CTNNA3: variants seen among roughly 807,000 people sequenced by gnomAD.
CTNNA3 encodes the protein catenin alpha 3.
In CTNNA3, 76 loss-of-function variants were observed where a neutral mutation model predicts 95.7. The observed-to-expected ratio is 0.79, with a 90% CI of 0.66 to 0.96. The LOEUF is 0.96. CTNNA3 is among the 40% of genes least tolerant of loss of function. The pLI is 0.00. For synonymous variants in CTNNA3, 431 were observed against 374.4 expected (o/e 1.15, Z -1.74); for missense variants, 1,191 against 1,089.8 (o/e 1.09, Z -1.31).
intron 11 of CTNNA3, among the ~76,000 whole-genome samples, chr10:66,427,975 A>C (rs567643088): frequency 3.3e-5 from 5 of 152,286 alleles, no homozygotes; most frequent in African/African-American, 1.2e-4. Flanking sequence ...ATAAAGAGTC[A>C]AGACCCATCA....
chr10:67,710,740 G>A (rs1479953313), intron 1 of CTNNA3, among the ~76,000 whole-genome samples: 1 of 152,204 alleles, frequency 6.6e-6, no homozygotes, highest in Non-Finnish European at 1.5e-5. Context: ...TTTGTGGAAA[G>A]TCTGGTTAAA....
chr10:66,605,798 T>G (rs1323328755), intron 10 of CTNNA3, among the ~76,000 whole-genome samples: 1 of 152,158 alleles, frequency 6.6e-6, no homozygotes, highest in Non-Finnish European at 1.5e-5. Flanking sequence ...TACAAGAGCT[T>G]CTGAAGGAAG....
In CTNNA3 at chr10:66,703,620, T is replaced by C. The variant is rs112982359; in HGVS notation, c.1281+62644A>G. 7.0e-3 allele frequency among the ~76,000 whole-genome samples: 1,072 copies of C among 152,108 alleles called. 11 individuals carry two copies. The highest frequency in any genetic ancestry group is 0.024 in the African/African-American group (1,016 of 41,556). ...GATCCATACCTTTTTGTTAACATAA[T>C]AGTGGACTGCTGAGAAATTCACTCC... On this transcript the variant is annotated intron_variant, in intron 9 of 17. Transcript: ENST00000433211.
intron 9 of CTNNA3, among the ~76,000 whole-genome samples, chr10:66,706,298 G>T (rs192828378): frequency 6.7e-6 from 1 of 149,904 alleles, no homozygotes; most frequent in Admixed American, 6.7e-5. Flanking sequence ...ATTTATACTC[G>T]CTCTTAAATG....
chr10:67,456,030 T>C (rs1441864947), intron 5 of CTNNA3, among the ~76,000 whole-genome samples: 4 of 152,176 alleles, frequency 2.6e-5, no homozygotes, highest in Non-Finnish European at 4.4e-5. Context: ...CTGTAATTTT[T>C]CTGTAAATCT....
At chr10:66,392,201 A>C (rs1440451240) in intron 11 of CTNNA3, among the ~76,000 whole-genome samples, 1 of 151,998 alleles carries the variant, frequency 6.6e-6, no homozygotes, top group East Asian at 1.9e-4. Flanking sequence ...GAGGCTGAGG[A>C]GGGCAGATCA....
intron 4 of CTNNA3, among the ~76,000 whole-genome samples, chr10:67,530,952 G>A (rs552865060): frequency 1.7e-4 from 26 of 152,330 alleles, no homozygotes; most frequent in East Asian, 1.2e-3. Flanking sequence ...GCTTCAGAAC[G>A]CAGCTTCTGA....
chr10:66,189,305 T>C (rs917786587), intron 13 of CTNNA3, among the ~76,000 whole-genome samples: 2 of 151,070 alleles, frequency 1.3e-5, no homozygotes, highest in African/African-American at 4.9e-5. Flanking sequence ...TTAAGACCAA[T>C]GTCAAGGAGC....
chr10:66,799,070 T>A (rs572445826), intron 7 of CTNNA3, among the ~76,000 whole-genome samples: 1 of 151,736 alleles, frequency 6.6e-6, no homozygotes, highest in South Asian at 2.1e-4. Flanking sequence ...AAATGGGACC[T>A]AACCCAAGCT....
intron 7 of CTNNA3, among the ~76,000 whole-genome samples, chr10:66,872,671 AAATAAT>A (rs35006931): frequency 1.4e-5 from 2 of 145,506 alleles, no homozygotes; most frequent in Admixed American, 6.8e-5. Context: ...CCCGTCTCAA[AAATAAT>A]AATAATAATA....
chr10:66,237,708 A>T (rs1317138485), intron 13 of CTNNA3, among the ~76,000 whole-genome samples: 1 of 152,120 alleles, frequency 6.6e-6, no homozygotes, highest in African/African-American at 2.4e-5. Context: ...CAATCATTTA[A>T]AAGTGTCTTA....
At chr10:67,209,648 T>C (rs1333053291) in intron 6 of CTNNA3, among the ~76,000 whole-genome samples, 2 of 152,072 alleles carry the variant, frequency 1.3e-5, no homozygotes, top group Non-Finnish European at 2.9e-5. Context: ...ATAAAACCTA[T>C]ATTTTCTGAC....
chr10:67,027,030 A>C (rs1434032901), intron 7 of CTNNA3, among the ~76,000 whole-genome samples: 1 of 152,220 alleles, frequency 6.6e-6, no homozygotes. Context: ...CAATTCACAA[A>C]TAATTTCAAA....
In CTNNA3 at chr10:66,080,498, A is replaced by G. The variant is rs149536857; in HGVS notation, c.1978-11009T>C. On this transcript the variant is annotated intron_variant, in intron 14 of 17. Transcript: ENST00000433211. ...CAAAGTAAAATGACTTAACATTGCA[A>G]TATCTCTGATTTTTACTTAAAGATG... Among the ~76,000 whole-genome samples, 6 of 152,302 alleles carry G rather than the reference A, an allele frequency of 3.9e-5. No individual in the cohort carries two copies. The East Asian group carries it at 1.2e-3, about 29-fold the overall frequency.
chr10:66,303,771 T>C (rs1245279832), intron 12 of CTNNA3, among the ~76,000 whole-genome samples: 1 of 152,040 alleles, frequency 6.6e-6, no homozygotes, highest in Admixed American at 6.6e-5. Flanking sequence ...TTTTTTGTAT[T>C]TTTAGTAGAG....
chr10:66,175,825 C>T (rs116949172), intron 13 of CTNNA3, among the ~76,000 whole-genome samples: 1,870 of 152,186 alleles, frequency 0.012, 20 homozygotes, highest in Admixed American at 0.026. Context: ...TATGAAAGTG[C>T]CTCATAACAA....
intron 9 of CTNNA3, among the ~76,000 whole-genome samples, chr10:66,690,186 A>C (rs1257723013): frequency 6.6e-6 from 1 of 152,136 alleles, no homozygotes; most frequent in Non-Finnish European, 1.5e-5. Flanking sequence ...ATGTTGAATG[A>C]AGGTTCATCA....
rs559955109 is a variant in CTNNA3, at chr10:66,699,093, T to C, written c.1281+67171A>G. ...AACAATCACATCTGTATTTCATATC[T>C]GTATTTCAACCTTCTCCATTCACTG... On this transcript the variant is annotated intron_variant, in intron 9 of 17. Coordinates refer to ENST00000433211, the MANE Select transcript of CTNNA3 (RefSeq NM_013266.4). Among the ~76,000 whole-genome samples, 28 of 152,322 alleles carry C rather than the reference T, an allele frequency of 1.8e-4. No homozygotes were observed. The South Asian group carries it at 5.8e-3, about 32-fold the overall frequency.
chr10:66,970,794 C>T (rs565590834), intron 7 of CTNNA3, among the ~76,000 whole-genome samples: 1 of 151,938 alleles, frequency 6.6e-6, no homozygotes, highest in African/African-American at 2.4e-5. Context: ...TTGAATTATA[C>T]CAAAAAAGAG....
Sources: allele counts gnomAD v4.1 joint callset (sites outside exome capture counted in the v4.1 genomes callset), GRCh38; gene constraint gnomAD v4.1.1; transcripts MANE v1.5; gene names NCBI Gene and HGNC (gene_info 2026-07-23, HGNC 2026-07-21).